The following ADAMTS6 variants were observed in gnomAD, a reference collection of about 807,000 sequenced individuals.
ADAMTS6 encodes the protein ADAM metallopeptidase with thrombospondin type 1 motif 6.
In ADAMTS6, 23 loss-of-function variants were observed where a neutral mutation model predicts 144.3. That is an observed-to-expected ratio of 0.16 (90% CI 0.11 to 0.23). The LOEUF is 0.23. Among genes scored for constraint, ADAMTS6 ranks in the 10% least tolerant of loss-of-function variants. ADAMTS6 has a pLI of 1.00. For synonymous variants in ADAMTS6, 444 were observed against 457.5 expected, an observed-to-expected ratio of 0.97 and a Z score of 0.38; for missense variants, 999 against 1,379.6, an observed-to-expected ratio of 0.72 and a Z score of 4.37.
chr5:65,302,274 T>A (rs952490732), intron 9 of ADAMTS6, among the ~76,000 whole-genome samples: 8 of 143,674 alleles, frequency 5.6e-5, no homozygotes, highest in African/African-American at 2.1e-4. Context: ...AATATCTAAA[T>A]TATATATAAA....
chr5:65,406,615 T>G (rs1480855949), intron 7 of ADAMTS6, among the ~76,000 whole-genome samples: 1 of 152,116 alleles, frequency 6.6e-6, no homozygotes, highest in African/African-American at 2.4e-5. Flanking sequence ...TCTCTTTTTT[T>G]GTTGTGTATT....
chr5:65,266,009 A>G (rs1024623301), intron 12 of ADAMTS6, among the ~76,000 whole-genome samples: 1 of 151,904 alleles, frequency 6.6e-6, no homozygotes, highest in Non-Finnish European at 1.5e-5. Flanking sequence ...TTTTAAACAC[A>G]GCTGTAGATA....
chr5:65,150,059 G>A lies in ADAMTS6; in HGVS notation c.*1777C>T, dbSNP rs370103510. 106 of 152,326 alleles carry A rather than the reference G, an allele frequency of 7.0e-4. No individual in the cohort carries two copies. The highest frequency in any genetic ancestry group is 2.3e-3 in the African/African-American group (95 of 41,560). The allele number at this position is 152,326 out of a possible 1,614,324, so 9.4% of individuals were successfully genotyped here. A position where few individuals can be genotyped will look rare whatever the true frequency, so the allele number is the denominator to read the frequency against. ...GCAAACCTGGGAGTTGTTTAGATTG[G>A]CTTTTGGTGTCTGAGGGTCTGTCTT... On this transcript the variant is annotated 3_prime_UTR_variant, in exon 25 of 25. Transcript: ENST00000381055.
chr5:65,281,210 C>T lies in ADAMTS6; in HGVS notation c.1513-7763G>A, dbSNP rs568505864. On this transcript the variant is annotated intron_variant, in intron 11 of 24. Transcript: ENST00000381055. ...GATGTAGATTTGAATCAGCTCTGTT[C>T]GATATCAATGTCCCAGATAATCACC... Among the ~76,000 whole-genome samples, 8 of 152,166 alleles carry T rather than the reference C, an allele frequency of 5.3e-5. No homozygotes were observed. The East Asian group carries it at 1.3e-3, about 26-fold the overall frequency.
chr5:65,200,351 C>T (rs1312869780), intron 20 of ADAMTS6, among the ~76,000 whole-genome samples: 1 of 152,148 alleles, frequency 6.6e-6, no homozygotes, highest in East Asian at 1.9e-4. Flanking sequence ...TGGAAATAAT[C>T]TAAACTAAGT....
chr5:65,421,179 C>T (rs1756009433), intron 7 of ADAMTS6, among the ~76,000 whole-genome samples: 1 of 152,140 alleles, frequency 6.6e-6, no homozygotes, highest in Non-Finnish European at 1.5e-5. Context: ...TTTATGCTTT[C>T]AAGAGGTTCC....
intron 9 of ADAMTS6, among the ~76,000 whole-genome samples, chr5:65,305,203 T>A (rs1178708665): frequency 1.3e-5 from 2 of 152,200 alleles, no homozygotes; most frequent in African/African-American, 4.8e-5. Context: ...TATTTTTGAA[T>A]CTGGGTAATG....
chr5:65,307,723 G>A (rs997433315), intron 9 of ADAMTS6, among the ~76,000 whole-genome samples: 7 of 152,130 alleles, frequency 4.6e-5, no homozygotes, highest in Non-Finnish European at 8.8e-5. Flanking sequence ...GCATGTTGTC[G>A]GTCCAGTTCT....
At chr5:65,249,076 G>A (rs576555375) in intron 14 of ADAMTS6, among the ~76,000 whole-genome samples, 3 of 152,130 alleles carry the variant, frequency 2.0e-5, no homozygotes, top group African/African-American at 7.2e-5. Context: ...ATAGGCATGA[G>A]CAGGGTAGGA....
At chr5:65,196,686 A>C (rs1482779533) in intron 21 of ADAMTS6, among the ~76,000 whole-genome samples, 1 of 152,040 alleles carries the variant, frequency 6.6e-6, no homozygotes, top group East Asian at 1.9e-4. Flanking sequence ...TTATAGTAAG[A>C]CACCATTAGC....
At chr5:65,222,912 G>A (rs1757431880) in intron 18 of ADAMTS6, among the ~76,000 whole-genome samples, 1 of 151,430 alleles carries the variant, frequency 6.6e-6, no homozygotes. Flanking sequence ...GACGCAAGCA[G>A]AAACTAGGAG....
intron 20 of ADAMTS6, among the ~76,000 whole-genome samples, chr5:65,202,450 T>C (rs2112256064): frequency 6.6e-6 from 1 of 152,312 alleles, no homozygotes; most frequent in East Asian, 1.9e-4. Context: ...ATTTAGTTCC[T>C]ACTATGTCTA....
chr5:65,291,713 CGTT>C (rs1453182854), intron 10 of ADAMTS6, among the ~76,000 whole-genome samples: 1 of 152,044 alleles, frequency 6.6e-6, no homozygotes, highest in Non-Finnish European at 1.5e-5. Flanking sequence ...GAAAATGTCA[CGTT>C]GGCCTTGATT....
chr5:65,454,443 G>A (rs746349521), intron 4 of ADAMTS6, among the ~76,000 whole-genome samples: 2 of 152,104 alleles, frequency 1.3e-5, no homozygotes, highest in Admixed American at 6.5e-5. Context: ...TTCTTATTTC[G>A]ATAGAATATC....
chr5:65,233,304 T>C (rs1481666542), intron 15 of ADAMTS6, among the ~76,000 whole-genome samples: 1 of 152,060 alleles, frequency 6.6e-6, no homozygotes, highest in Non-Finnish European at 1.5e-5. Flanking sequence ...TTCTCACTAC[T>C]TCTATTCAAC....
chr5:65,263,033 G>A, intron 12 of ADAMTS6, 71 bp from the exon 13 acceptor site: 1 of 1,595,012 alleles, frequency 6.3e-7, no homozygotes, highest in Non-Finnish European at 8.5e-7. Flanking sequence ...AAATACATAA[G>A]GGTCAGGTAC....
chr5:65,246,286 G>C (rs949643883), intron 14 of ADAMTS6, among the ~76,000 whole-genome samples: 1 of 152,096 alleles, frequency 6.6e-6, no homozygotes, highest in Admixed American at 6.6e-5. Context: ...GCTTTCCTAC[G>C]GGCACATCAT....
intron 12 of ADAMTS6, among the ~76,000 whole-genome samples, chr5:65,269,175 T>C (rs1417546583): frequency 2.6e-5 from 4 of 152,208 alleles, no homozygotes; most frequent in African/African-American, 4.8e-5. Context: ...CAATGAAAAG[T>C]ATTGATGATA....
intron 7 of ADAMTS6, among the ~76,000 whole-genome samples, chr5:65,369,842 C>T (rs947246407): frequency 6.6e-6 from 1 of 152,026 alleles, no homozygotes; most frequent in Admixed American, 6.6e-5. Flanking sequence ...ATTAATTCTG[C>T]ACCAAAACAG....
Sources: allele counts gnomAD v4.1 joint callset (sites outside exome capture counted in the v4.1 genomes callset), GRCh38; gene constraint gnomAD v4.1.1; transcripts MANE v1.5; gene names NCBI Gene and HGNC (gene_info 2026-07-23, HGNC 2026-07-21).